Variants in AKAP19 observed in about 807,000 individuals in gnomAD.
The protein encoded by AKAP19 is A-kinase anchoring protein 19, also known as small A-kinase anchoring protein.
chr2:189,964,368 A>G, the AKAP19 span, among the ~76,000 whole-genome samples: 1 of 152,212 alleles, frequency 6.6e-6, no homozygotes, highest in Non-Finnish European at 1.5e-5. Flanking sequence ...CATAATTCTT[A>G]CAGGCCCTAG....
the AKAP19 span, chr2:190,203,169 A>C: frequency 6.0e-6 from 1 of 167,102 alleles, no homozygotes; most frequent in Non-Finnish European, 1.5e-5. Context: ...ACATAGTTTT[A>C]GAAATCGAAA....
chr2:189,979,175 C>T, the AKAP19 span, among the ~76,000 whole-genome samples: 3 of 152,182 alleles, frequency 2.0e-5, no homozygotes, highest in East Asian at 5.8e-4. Flanking sequence ...TACCTAACTT[C>T]AATCTATACT....
At chr2:190,194,600 T>C in the AKAP19 span, among the ~76,000 whole-genome samples, 1 of 152,102 alleles carries the variant, frequency 6.6e-6, no homozygotes, top group Non-Finnish European at 1.5e-5. Context: ...GTACAACCTA[T>C]GGTTTTTGAC....
chr2:189,995,398 T>A, the AKAP19 span, among the ~76,000 whole-genome samples: 1 of 152,238 alleles, frequency 6.6e-6, no homozygotes, highest in Non-Finnish European at 1.5e-5. Flanking sequence ...CTGTTGTGGC[T>A]TTAAAGTCTG....
the AKAP19 span, among the ~76,000 whole-genome samples, chr2:189,922,213 G>A: frequency 0.049 from 7,473 of 152,184 alleles, 302 homozygotes; most frequent in African/African-American, 0.1. Context: ...AGCAAGAAAG[G>A]AGACTGAAAA....
the AKAP19 span, among the ~76,000 whole-genome samples, chr2:189,883,503 TC>T: frequency 7.0e-6 from 1 of 141,854 alleles, no homozygotes; most frequent in African/African-American, 2.9e-5. Context: ...TTTTGTTTCT[TC>T]CTGTTTTTTT....
the AKAP19 span, among the ~76,000 whole-genome samples, chr2:189,978,192 A>G: frequency 6.6e-6 from 1 of 152,224 alleles, no homozygotes; most frequent in Middle Eastern, 3.2e-3. Context: ...CCCATCATCC[A>G]AATAGTGAAC....
the AKAP19 span, among the ~76,000 whole-genome samples, chr2:189,936,200 G>A: frequency 4.3e-3 from 647 of 151,694 alleles, 6 homozygotes; most frequent in African/African-American, 0.015. Flanking sequence ...GTTTGTTTTA[G>A]ATGCCAATAA....
chr2:189,932,434 A>G, the AKAP19 span, among the ~76,000 whole-genome samples: 1 of 149,662 alleles, frequency 6.7e-6, no homozygotes, highest in African/African-American at 2.5e-5. Flanking sequence ...AAGTCATTCT[A>G]TTCATGATAA....
At chr2:190,184,176 A>T in the AKAP19 span, among the ~76,000 whole-genome samples, 139 of 152,280 alleles carry the variant, frequency 9.1e-4, no homozygotes, top group African/African-American at 3.2e-3. Context: ...TGAAATTAAG[A>T]GTGTTTCACA....
chr2:189,884,116 T>TA, the AKAP19 span, among the ~76,000 whole-genome samples: 1 of 152,162 alleles, frequency 6.6e-6, no homozygotes. Context: ...AGTTATGTTT[T>TA]GTAATTTAGA....
chr2:190,073,769 C>T, the AKAP19 span, among the ~76,000 whole-genome samples: 4 of 151,886 alleles, frequency 2.6e-5, no homozygotes, highest in South Asian at 2.1e-4. Flanking sequence ...CTGCAGATAT[C>T]GGCCGGGTGC....
chr2:190,192,450 A>ATC, the AKAP19 span, among the ~76,000 whole-genome samples: 32 of 93,786 alleles, frequency 3.4e-4, 2 homozygotes, highest in South Asian at 0.012. Context: ...ATAATTCAGA[A>ATC]TCTGTGTGTG....
chr2:189,948,769 TGTG>T, the AKAP19 span, among the ~76,000 whole-genome samples: 47 of 152,262 alleles, frequency 3.1e-4, 1 homozygote, highest in Admixed American at 1.9e-3. Context: ...GACACTTATT[TGTG>T]GTACTTTTTT....
the AKAP19 span, among the ~76,000 whole-genome samples, chr2:190,012,295 CT>C: frequency 1.3e-5 from 1 of 76,942 alleles, no homozygotes; most frequent in African/African-American, 5.3e-5. Context: ...TGACTAATTT[CT>C]GTATTTTTTG....
chr2:190,087,954 C>A, the AKAP19 span, among the ~76,000 whole-genome samples: 3 of 152,136 alleles, frequency 2.0e-5, no homozygotes, highest in Middle Eastern at 3.4e-3. Context: ...TAAGTTTTCC[C>A]CATGCAAAAA....
At chr2:189,891,517 C>G in the AKAP19 span, among the ~76,000 whole-genome samples, 2 of 151,976 alleles carry the variant, frequency 1.3e-5, no homozygotes, top group Non-Finnish European at 2.9e-5. Flanking sequence ...GCCACCAAAC[C>G]CGGCCGAAAA....
the AKAP19 span, among the ~76,000 whole-genome samples, chr2:189,940,869 C>A: frequency 6.6e-6 from 1 of 151,558 alleles, no homozygotes; most frequent in Non-Finnish European, 1.5e-5. Context: ...CCAACCTGGG[C>A]GACAGAGCAA....
chr2:189,887,089 C>T, the AKAP19 span, among the ~76,000 whole-genome samples: 3 of 152,094 alleles, frequency 2.0e-5, no homozygotes, highest in Non-Finnish European at 4.4e-5. Flanking sequence ...TTGCTGCACC[C>T]ATCAACCCAT....
Sources: gnomAD v4.1 joint callset for allele counts (sites outside exome capture counted in the v4.1 genomes callset) on GRCh38, gnomAD v4.1.1 for gene constraint, MANE v1.5 for transcripts, NCBI Gene and HGNC (gene_info 2026-07-23, HGNC 2026-07-21) for gene names.